ATAD2B: variants seen among roughly 807,000 people sequenced by gnomAD.
ATAD2B encodes ATPase family AAA domain containing 2B.
In ATAD2B, 40 loss-of-function variants were observed where a neutral mutation model predicts 167.6. The ratio of observed to expected loss-of-function variants is 0.24; its 90% CI spans 0.19 to 0.31. The LOEUF (loss-of-function observed/expected upper bound fraction) is 0.31, where lower values mean the gene tolerates loss of function less well. Among genes scored for constraint, ATAD2B ranks in the 10% least tolerant of loss-of-function variants. The probability of loss-of-function intolerance (pLI) is 1.00; values close to 1 mark genes in which losing one functional copy is unlikely to be tolerated. For synonymous variants in ATAD2B, 579 were observed against 596.5 expected (o/e 0.97, Z 0.43); for missense variants, 1,242 against 1,757.2 (o/e 0.71, Z 5.24).
chr2:23,766,230 G>A (rs1677393925), intron 22 of ATAD2B, among the ~76,000 whole-genome samples: 1 of 152,090 alleles, frequency 6.6e-6, no homozygotes, highest in South Asian at 2.1e-4. Flanking sequence ...GCCTAAAAAT[G>A]GTACTAAAAG....
At chr2:23,691,863 C>T in the ATAD2B span, 4 of 1,550,142 alleles carry the variant, frequency 2.6e-6, no homozygotes, top group Non-Finnish European at 1.7e-6. Context: ...GCAAAGTCTG[C>T]GTGTCCTTTC....
chr2:23,696,247 C>T, the ATAD2B span: 1 of 1,482,802 alleles, frequency 6.7e-7, no homozygotes, highest in Non-Finnish European at 9.2e-7. The surrounding 1 kb of genome is among the most constrained non-coding windows in gnomAD (Gnocchi z 5.5). Context: ...GCAGGTGAAG[C>T]CTTCCTCTGC....
chr2:23,741,521 T>C, the ATAD2B span, among the ~76,000 whole-genome samples: 3 of 152,212 alleles, frequency 2.0e-5, no homozygotes, highest in South Asian at 2.1e-4. Flanking sequence ...TGAAACTGGA[T>C]CCCTTCCTTA....
rs1687225598 is a variant in ATAD2B, at chr2:23,820,131, C to T, written c.2132-249G>A. On this transcript the variant is annotated intron_variant, in intron 16 of 27. Coordinates refer to ENST00000238789, the MANE Select transcript of ATAD2B (RefSeq NM_017552.4). ...TAATTTGGAAGAACTCACTGACTGG[C>T]TTAAAAAAAAAAAACAAGTCTGGAA... Among the ~76,000 whole-genome samples the T allele has an allele frequency of 4.0e-5, 6 of 150,970 alleles. No individual in the cohort carries two copies. The South Asian group carries it at 1.2e-3, about 31-fold the overall frequency.
chr2:23,926,088 C>A (rs1032526564), intron 1 of ATAD2B, among the ~76,000 whole-genome samples: 14 of 152,210 alleles, frequency 9.2e-5, no homozygotes, highest in Middle Eastern at 6.3e-3. Context: ...CACTTCCTCA[C>A]CAACTTGAAC....
At chr2:23,706,353 C>T in the ATAD2B span, 24 of 650,932 alleles carry the variant, frequency 3.7e-5, no homozygotes, top group African/African-American at 4.6e-4. Context: ...CAAAGAAGGG[C>T]AGCAAGATCC....
At chr2:23,708,049 T>C in the ATAD2B span, 3 of 152,218 alleles carry the variant, frequency 2.0e-5, no homozygotes, top group African/African-American at 7.2e-5. Context: ...CATTTACCAC[T>C]TTTATATCTG....
intron 17 of ATAD2B, among the ~76,000 whole-genome samples, chr2:23,811,038 CAAACAAACAAAT>C (rs1169477479): frequency 8.9e-6 from 1 of 112,358 alleles, no homozygotes. Flanking sequence ...AACAAACAAA[CAAACAAACAAAT>C]AATAAAATAA....
the ATAD2B span, among the ~76,000 whole-genome samples, chr2:23,736,268 T>A: frequency 2.6e-5 from 4 of 152,158 alleles, no homozygotes; most frequent in Non-Finnish European, 5.9e-5. Context: ...TTCCCTTGGG[T>A]TGGTTTTATT....
intron 2 of ATAD2B, among the ~76,000 whole-genome samples, chr2:23,893,946 G>A (rs928238770): frequency 6.6e-6 from 1 of 152,060 alleles, no homozygotes; most frequent in African/African-American, 2.4e-5. Flanking sequence ...TTACAGGCAT[G>A]AGCCACATGC....
intron 4 of ATAD2B, among the ~76,000 whole-genome samples, chr2:23,887,174 G>C (rs1034404078): frequency 2.0e-5 from 3 of 151,970 alleles, no homozygotes; most frequent in African/African-American, 4.8e-5. Context: ...TGAGGCAGGA[G>C]AATCATTTGA....
chr2:23,914,549 A>G (rs1702754902), intron 1 of ATAD2B, among the ~76,000 whole-genome samples: 1 of 152,174 alleles, frequency 6.6e-6, no homozygotes, highest in African/African-American at 2.4e-5. Flanking sequence ...TGGAGATACA[A>G]GAACTCTCGG....
chr2:23,775,743 CCT>C (rs1424572313), intron 22 of ATAD2B, among the ~76,000 whole-genome samples: 1 of 152,152 alleles, frequency 6.6e-6, no homozygotes, highest in Non-Finnish European at 1.5e-5. Flanking sequence ...CTCCTGGGCT[CCT>C]CTCTCTTCTC....
At chr2:23,697,889 AAC>A in the ATAD2B span, 1 of 152,200 alleles carries the variant, frequency 6.6e-6, no homozygotes. Flanking sequence ...ATAATAAACA[AAC>A]ACATGAAAAA....
chr2:23,764,902 A>G (rs1187902923), intron 23 of ATAD2B, among the ~76,000 whole-genome samples: 2 of 151,616 alleles, frequency 1.3e-5, no homozygotes, highest in East Asian at 1.9e-4. Flanking sequence ...TTCTATATTC[A>G]CTCCTTACTC....
At chr2:23,917,756 T>C (rs543783281) in intron 1 of ATAD2B, among the ~76,000 whole-genome samples, 1 of 151,630 alleles carries the variant, frequency 6.6e-6, no homozygotes, top group Admixed American at 6.6e-5. Context: ...GTGAGACTCC[T>C]GTCTGGAAAA....
At chr2:23,702,607 T>G in the ATAD2B span, among the ~76,000 whole-genome samples, 1 of 152,190 alleles carries the variant, frequency 6.6e-6, no homozygotes, top group African/African-American at 2.4e-5. Flanking sequence ...AGGCCCAGCC[T>G]GGGTATCAGC....
chr2:23,898,833 T>C (rs879239032), intron 1 of ATAD2B, among the ~76,000 whole-genome samples: 1 of 151,828 alleles, frequency 6.6e-6, no homozygotes, highest in Admixed American at 6.6e-5. Context: ...TGAGACCTTA[T>C]CTCTACAAAA....
chr2:23,841,208 G>T (rs766061234), intron 13 of ATAD2B, among the ~76,000 whole-genome samples: 11 of 147,728 alleles, frequency 7.4e-5, no homozygotes, highest in Admixed American at 2.8e-4. Context: ...CCAGAGTGCT[G>T]GGATTACAGG....
Sources: gnomAD v4.1 joint callset for allele counts (sites outside exome capture counted in the v4.1 genomes callset) on GRCh38, gnomAD v4.1.1 for gene constraint, Gnocchi (gnomAD v3.1) non-coding constraint, MANE v1.5 for transcripts, NCBI Gene and HGNC (gene_info 2026-07-23, HGNC 2026-07-21) for gene names.